Variants in XIRP2 observed in about 807,000 individuals in gnomAD.
XIRP2 encodes the protein xin actin binding repeat containing 2.
Under a neutral mutation model 277.0 loss-of-function variants are expected in XIRP2, and 236 were observed. The observed-to-expected ratio is 0.85, with a 90% CI of 0.77 to 0.95. The LOEUF is 0.95. Among genes scored for constraint, XIRP2 ranks in the 40% least tolerant of loss-of-function variants. The probability of loss-of-function intolerance (pLI) is 0.00; values close to 1 mark genes in which losing one functional copy is unlikely to be tolerated. For synonymous variants in XIRP2, 1,490 were observed against 1,416.5 expected, an observed-to-expected ratio of 1.05 and a Z score of -1.17; for missense variants, 4,640 against 4,157.5, an observed-to-expected ratio of 1.12 and a Z score of -3.19.
chr2:166,996,377 T>G (rs1687220259), intron 2 of XIRP2, among the ~76,000 whole-genome samples: 1 of 152,204 alleles, frequency 6.6e-6, no homozygotes, highest in East Asian at 1.9e-4. Context: ...ATGCCTGTAA[T>G]CTCAGCACTT....
chr2:167,120,844 A>G (rs1691036518), intron 2 of XIRP2, among the ~76,000 whole-genome samples: 1 of 152,214 alleles, frequency 6.6e-6, no homozygotes, highest in South Asian at 2.1e-4. Context: ...CCAGAAATCA[A>G]ATACACTACT....
At chr2:167,043,814 G>A (rs1046729102) in intron 2 of XIRP2, among the ~76,000 whole-genome samples, 5 of 152,000 alleles carry the variant, frequency 3.3e-5, no homozygotes, top group Non-Finnish European at 5.9e-5. Flanking sequence ...AATCAAGGAA[G>A]GGTTCCTTTA....
At chr2:167,213,308 G>A (rs1694112028) in intron 4 of XIRP2, among the ~76,000 whole-genome samples, 1 of 152,202 alleles carries the variant, frequency 6.6e-6, no homozygotes, top group African/African-American at 2.4e-5. Flanking sequence ...TCTATGCCCA[G>A]TTTATAAGAA....
intron 2 of XIRP2, among the ~76,000 whole-genome samples, chr2:166,941,407 C>T (rs186765626): frequency 6.6e-6 from 1 of 152,324 alleles, no homozygotes; most frequent in East Asian, 1.9e-4. Flanking sequence ...TAAGGCGATG[C>T]CTCGCCCTGC....
chr2:167,228,296 G>T (rs1366991262), intron 5 of XIRP2, among the ~76,000 whole-genome samples: 1 of 152,152 alleles, frequency 6.6e-6, no homozygotes, highest in Non-Finnish European at 1.5e-5. Context: ...TTTGCAACTT[G>T]TAAGAAGCCA....
At chr2:167,060,240 A>C (rs1689144573) in intron 2 of XIRP2, among the ~76,000 whole-genome samples, 1 of 152,208 alleles carries the variant, frequency 6.6e-6, no homozygotes, top group Admixed American at 6.5e-5. Context: ...TTATGTATGA[A>C]ATAGGGTTAC....
chr2:166,977,880 C>T (rs1012142346), intron 2 of XIRP2, among the ~76,000 whole-genome samples: 17 of 152,266 alleles, frequency 1.1e-4, no homozygotes, highest in African/African-American at 3.4e-4. Flanking sequence ...AAATTAGCCT[C>T]AAACTATTAC....
At chr2:167,242,547 T>G (rs769041621) in intron 8 of XIRP2, 22 bp from the exon 9 acceptor site, 12 of 1,586,894 alleles carry the variant, frequency 7.6e-6, no homozygotes, top group Non-Finnish European at 1.0e-5. Flanking sequence ...CTTTATAAGA[T>G]TTGATTTTCT....
At position 167,250,015 on chromosome 2, in the gene XIRP2, C is replaced by T. The variant is rs201881932; in HGVS notation, c.8623C>T (p.Gln2875Ter). The T allele has an allele frequency of 4.6e-5, 75 of 1,613,628 alleles. No homozygotes were observed. The East Asian group carries it at 5.6e-4, about 12-fold the overall frequency. Residue 2875 changes from glutamine to a stop codon, truncating the protein, a stop_gained, in exon 9 of 11, where the codon CAG becomes TAG. Transcript: ENST00000409195. LOFTEE classifies it high-confidence loss of function. ...TCAGAATTTTCAGCAAACACAAATA[C>T]AGACCGCTGAAAGTAAAGCTGAACA... ...QTQNFQQTQI[Q>*]TAESKAEHKK...
intron 2 of XIRP2, among the ~76,000 whole-genome samples, chr2:167,005,463 C>T (rs559091239): frequency 5.3e-5 from 8 of 151,744 alleles, no homozygotes; most frequent in African/African-American, 1.7e-4. Context: ...TTAAAGTCAC[C>T]CAGTGAGTCA....
intron 2 of XIRP2, among the ~76,000 whole-genome samples, chr2:167,032,792 C>T (rs1688401780): frequency 6.6e-6 from 1 of 152,202 alleles, no homozygotes; most frequent in Non-Finnish European, 1.5e-5. Context: ...AGTCAGGAAA[C>T]AACAGATGCT....
At chr2:167,211,622 A>C (rs1694050326) in intron 4 of XIRP2, among the ~76,000 whole-genome samples, 1 of 152,172 alleles carries the variant, frequency 6.6e-6, no homozygotes, top group East Asian at 1.9e-4. Context: ...ATGGGTTTGC[A>C]CGCCACCCTC....
chr2:167,079,351 A>C (rs1166964838), intron 2 of XIRP2, among the ~76,000 whole-genome samples: 15 of 152,202 alleles, frequency 9.9e-5, no homozygotes, highest in Admixed American at 9.8e-4. Flanking sequence ...GCTTCAAAAA[A>C]TGAGTTAGGG....
At chr2:167,190,072 G>A (rs1384858693) in intron 3 of XIRP2, among the ~76,000 whole-genome samples, 1 of 152,202 alleles carries the variant, frequency 6.6e-6, no homozygotes, top group Non-Finnish European at 1.5e-5. Context: ...TGGAAGAGAT[G>A]CATAGGGCAA....
chr2:166,954,086 T>C (rs141049020), intron 2 of XIRP2, among the ~76,000 whole-genome samples: 101 of 151,966 alleles, frequency 6.6e-4, no homozygotes, highest in African/African-American at 2.3e-3. Context: ...ATAACCCTAC[T>C]GGGTGTGTGT....
chr2:167,188,754 T>C (rs1452663297), intron 3 of XIRP2, among the ~76,000 whole-genome samples: 2 of 152,252 alleles, frequency 1.3e-5, no homozygotes, highest in Non-Finnish European at 1.5e-5. Context: ...GCATTTCAGA[T>C]GCCTGCACTA....
At chr2:166,997,179 T>C (rs1038764851) in intron 2 of XIRP2, among the ~76,000 whole-genome samples, 4 of 152,168 alleles carry the variant, frequency 2.6e-5, no homozygotes, top group African/African-American at 9.7e-5. Flanking sequence ...TGAAATCTCA[T>C]TTTCACAGGA....
At chr2:167,223,897 C>T (rs1274362469) in intron 5 of XIRP2, among the ~76,000 whole-genome samples, 2 of 152,160 alleles carry the variant, frequency 1.3e-5, no homozygotes, top group Non-Finnish European at 2.9e-5. Flanking sequence ...GTCAGAGAGA[C>T]TGTGTTATAA....
chr2:167,170,718 C>G (rs76260462), intron 3 of XIRP2, among the ~76,000 whole-genome samples: 14,993 of 151,898 alleles, frequency 0.099, 788 homozygotes, highest in South Asian at 0.15. Context: ...TCTTGCTAGA[C>G]GTTAGCAATT....
Sources: allele counts gnomAD v4.1 joint callset (sites outside exome capture counted in the v4.1 genomes callset), GRCh38; gene constraint gnomAD v4.1.1; transcripts MANE v1.5; gene names NCBI Gene and HGNC (gene_info 2026-07-23, HGNC 2026-07-21).